Variants in CFAP54 observed in about 807,000 individuals in gnomAD.
CFAP54 encodes cilia and flagella associated protein 54.
Under a neutral mutation model 370.4 loss-of-function variants are expected in CFAP54, and 290 were observed. That is an observed-to-expected ratio of 0.78 (90% CI 0.71 to 0.86). The LOEUF (loss-of-function observed/expected upper bound fraction) is 0.86, where lower values mean the gene tolerates loss of function less well. Among genes scored for constraint, CFAP54 ranks in the 40% least tolerant of loss-of-function variants. The pLI is 0.00. For synonymous variants in CFAP54, 1,206 were observed against 1,236.5 expected (o/e 0.98, Z 0.52); for missense variants, 3,399 against 3,528.7 (o/e 0.96, Z 0.93).
At position 96,644,371 on chromosome 12, in the gene CFAP54, A is replaced by G. The variant is rs535697928; in HGVS notation, c.4510A>G (p.Thr1504Ala). Residue 1504 changes from threonine (T) to alanine (A), a missense_variant, in exon 33 of 68, where the codon ACG (threonine) becomes GCG (alanine). Thr to Ala is a moderately conservative substitution (Grantham distance 58). Around this residue, in one of 3 missense-constraint regions of CFAP54, gnomAD observed 2,796 missense variants for 2,869.7 expected, o/e 0.97. Transcript: ENST00000524981. Reference protein sequence around the residue: ...NLVLQKLWECTKMKFGTSHMM... With the variant: ...NLVLQKLWECAKMKFGTSHMM... ...GGTTTTACAAAAGCTATGGGAGTGT[A>G]CGAAGATGAAATTTGGCACATCACA... 1 of 1,535,916 alleles carries G rather than the reference A, an allele frequency of 6.5e-7. No individual in the cohort carries two copies. The highest frequency in any genetic ancestry group is 2.0e-5 in the Admixed American group (1 of 50,996).
intron 66 of CFAP54, among the ~76,000 whole-genome samples, chr12:96,836,166 C>G (rs1283865539): frequency 6.6e-6 from 1 of 152,098 alleles, no homozygotes; most frequent in Non-Finnish European, 1.5e-5. Flanking sequence ...GGGGAGTTCA[C>G]CCAGTGGTTT....
chr12:96,816,096 G>T (rs1020902882), intron 64 of CFAP54, among the ~76,000 whole-genome samples: 2 of 152,118 alleles, frequency 1.3e-5, no homozygotes, highest in African/African-American at 4.8e-5. Context: ...CTAATTCTGT[G>T]AAGAAAGTCA....
At chr12:96,544,945 T>C (rs1192640503) in intron 14 of CFAP54, among the ~76,000 whole-genome samples, 2 of 151,426 alleles carry the variant, frequency 1.3e-5, no homozygotes, top group Admixed American at 6.6e-5. Context: ...GGAGTCTCGC[T>C]CTTTTACCCA....
chr12:96,594,527 T>C (rs2136437442), intron 25 of CFAP54, 81 bp downstream of exon 25: 2 of 1,153,004 alleles, frequency 1.7e-6, no homozygotes, highest in Non-Finnish European at 1.2e-6. Context: ...AAAAGCCATG[T>C]ATCTCTTATA....
intron 14 of CFAP54, among the ~76,000 whole-genome samples, chr12:96,545,531 T>A (rs892300171): frequency 6.6e-6 from 1 of 152,196 alleles, no homozygotes; most frequent in Non-Finnish European, 1.5e-5. Context: ...CCCGCTCCCA[T>A]GATAACTCAT....
rs1473013654 is a variant in CFAP54 at position 96,535,610 on chromosome 12, C to A, written c.1791+10C>A. ...CTGCACTGCTCCCCAGGTGAAATAGCTATTTTAAATAATTTTTATTAGTGT... is the reference window on the plus strand; with the variant it reads ...CTGCACTGCTCCCCAGGTGAAATAGATATTTTAAATAATTTTTATTAGTGT... On this transcript the variant is annotated intron_variant, in intron 12 of 67. Transcript: ENST00000524981. 6.6e-7 allele frequency: 1 copy of A among 1,517,316 alleles called. No individual in the cohort carries two copies. Among genetic ancestry groups the A allele is most frequent in the Admixed American group, 2.0e-5 (1 of 49,844 alleles). 94.0% of individuals were successfully genotyped at this position (1,517,316 alleles called of 1,614,324 possible). A position where few individuals can be genotyped will look rare whatever the true frequency, so the allele number is the denominator to read the frequency against.
chr12:96,800,782 A>G (rs539465063), intron 63 of CFAP54, among the ~76,000 whole-genome samples: 45 of 152,348 alleles, frequency 3.0e-4, no homozygotes, highest in African/African-American at 9.9e-4. Flanking sequence ...CACTTTACTT[A>G]CATCATTTCA....
chr12:96,606,210 A>G (rs1320833614), intron 26 of CFAP54, among the ~76,000 whole-genome samples: 1 of 152,214 alleles, frequency 6.6e-6, no homozygotes, highest in East Asian at 1.9e-4. Context: ...GCTGAGACAG[A>G]TGGAGGAGGA....
At chr12:96,601,773 GTTTGTATTTC>G (rs1956245293) in intron 26 of CFAP54, among the ~76,000 whole-genome samples, 1 of 152,312 alleles carries the variant, frequency 6.6e-6, no homozygotes, top group East Asian at 1.9e-4. Context: ...TCTGCTGGTA[GTTTGTATTTC>G]TGTGGGATTG....
At chr12:96,663,793 A>G in intron 38 of CFAP54, 37 bp from the exon 39 acceptor site, 1 of 1,465,870 alleles carries the variant, frequency 6.8e-7, no homozygotes, top group Non-Finnish European at 9.5e-7. Context: ...AACTATAAAT[A>G]CCCGACTAAT....
At chr12:96,700,451 A>G (rs148501090) in intron 46 of CFAP54, among the ~76,000 whole-genome samples, 244 of 152,318 alleles carry the variant, frequency 1.6e-3, no homozygotes, top group African/African-American at 5.6e-3. Context: ...TTTTAAATCA[A>G]AATAGTCTTT....
chr12:96,643,280 A>G (rs556193207), intron 32 of CFAP54, among the ~76,000 whole-genome samples: 1 of 152,332 alleles, frequency 6.6e-6, no homozygotes, highest in East Asian at 1.9e-4. Flanking sequence ...GTGATAATGT[A>G]AACACTACAC....
chr12:96,526,478 A>G (rs1955382552), intron 8 of CFAP54, among the ~76,000 whole-genome samples: 2 of 152,202 alleles, frequency 1.3e-5, no homozygotes, highest in African/African-American at 4.8e-5. Flanking sequence ...CTGCATGAGA[A>G]TATCCTGTGG....
At chr12:96,653,804 A>G (rs1431556523) in intron 36 of CFAP54, among the ~76,000 whole-genome samples, 1 of 150,182 alleles carries the variant, frequency 6.7e-6, no homozygotes, top group Non-Finnish European at 1.5e-5. Context: ...ATAAAGCAAA[A>G]ACAATAAAGT....
chr12:96,580,299 C>G (rs1956019413), intron 20 of CFAP54, among the ~76,000 whole-genome samples: 1 of 152,074 alleles, frequency 6.6e-6, no homozygotes, highest in Non-Finnish European at 1.5e-5. Flanking sequence ...AATCCCATCT[C>G]ATAGAGTTGT....
intron 66 of CFAP54, among the ~76,000 whole-genome samples, chr12:96,845,461 C>A (rs1959312652): frequency 6.6e-6 from 1 of 152,222 alleles, no homozygotes; most frequent in South Asian, 2.1e-4. Flanking sequence ...CTAGCAACTT[C>A]TTTCAACTGA....
intron 62 of CFAP54, among the ~76,000 whole-genome samples, chr12:96,789,405 A>AT (rs1215730289): frequency 2.0e-5 from 3 of 152,166 alleles, no homozygotes; most frequent in Non-Finnish European, 4.4e-5. Context: ...CCAGATTCAG[A>AT]TTCACCCCTC....
At chr12:96,658,404 T>A in intron 38 of CFAP54, 58 bp downstream of exon 38, 20 of 1,562,600 alleles carry the variant, frequency 1.3e-5, no homozygotes. Context: ...AGTCCACATA[T>A]AAAATACAAA....
rs958031537 is a variant in CFAP54 at position 96,644,344 on chromosome 12, C to T, written c.4483C>T (p.Leu1495=). The change falls in exon 33 of 68, where the codon CTG becomes TTG. Residue 1495 remains leucine, a synonymous_variant. Coordinates refer to ENST00000524981, the MANE Select transcript of CFAP54 (RefSeq NM_001306084.2). ...GTATCTAGCAGGTGCACACTTTAACCTGGTTTTACAAAAGCTATGGGAGTG... is the reference window on the plus strand; with the variant it reads ...GTATCTAGCAGGTGCACACTTTAACTTGGTTTTACAAAAGCTATGGGAGTG... ...NLYLAGAHFN[L]VLQKLWECTK... is the part of the protein sequence containing the mutation. 5.2e-6 allele frequency: 8 copies of T among 1,535,834 alleles called. No individual in the cohort carries two copies. The African/African-American group carries it at 8.2e-5, about 16-fold the overall frequency.
Sources: allele counts gnomAD v4.1 joint callset (sites outside exome capture counted in the v4.1 genomes callset), GRCh38; gene constraint gnomAD v4.1.1; regional missense constraint gnomAD v4.1.1; transcripts MANE v1.5; gene names NCBI Gene and HGNC (gene_info 2026-07-23, HGNC 2026-07-21).